Variants in LRIG2 observed in about 807,000 individuals in gnomAD.
LRIG2 encodes leucine rich repeats and immunoglobulin like domains 2.
LRIG2 carries 93 observed loss-of-function variants against 107.8 expected under a neutral mutation model. The observed-to-expected ratio is 0.86, with a 90% CI of 0.73 to 1.03. LRIG2 has a LOEUF of 1.03. LRIG2 is among the 50% of genes least tolerant of loss of function. LRIG2 has a pLI of 0.00. For synonymous variants in LRIG2, 471 were observed against 470.6 expected (o/e 1.00, Z -0.01); for missense variants, 1,226 against 1,296.0 (o/e 0.95, Z 0.83).
At chr1:113,118,731 C>T (rs1045685503) in intron 16 of LRIG2, among the ~76,000 whole-genome samples, 9 of 151,442 alleles carry the variant, frequency 5.9e-5, no homozygotes, top group African/African-American at 2.2e-4. Flanking sequence ...GTGGCGTGAT[C>T]TCGGCTCACT....
intron 1 of LRIG2, among the ~76,000 whole-genome samples, chr1:113,090,349 A>C (rs1653746486): frequency 6.6e-6 from 1 of 152,030 alleles, no homozygotes; most frequent in Non-Finnish European, 1.5e-5. Context: ...AAAGTGGGAG[A>C]CTTTTTACAC....
At chr1:113,104,476 G>GTCTCTTCAGCCTCTAGAT (rs1399197368) in intron 11 of LRIG2, among the ~76,000 whole-genome samples, 8 of 152,040 alleles carry the variant, frequency 5.3e-5, no homozygotes, top group African/African-American at 1.9e-4. Flanking sequence ...GCCCCTAGAT[G>GTCTCTTCAGCCTCTAGAT]TCTCTTCAGC....
chr1:113,079,697 G>GA (rs1472191200), intron 1 of LRIG2, among the ~76,000 whole-genome samples: 1 of 139,706 alleles, frequency 7.2e-6, no homozygotes, highest in Non-Finnish European at 1.6e-5. Context: ...AAAAAGAAAA[G>GA]AAAAAAGAAA....
At position 113,114,620 on chromosome 1, in the gene LRIG2, A is replaced by G. The variant is rs1332060690; in HGVS notation, c.2274A>G (p.Leu758=). The G allele has an allele frequency of 1.2e-6, 2 of 1,614,034 alleles. No homozygotes were observed. Among genetic ancestry groups the G allele is most frequent in the African/African-American group, 2.7e-5 (2 of 74,914 alleles). Residue 758 remains leucine (L), a synonymous_variant, in exon 15 of 18, where the codon CTA becomes CTG. Coordinates refer to ENST00000361127, the MANE Select transcript of LRIG2 (RefSeq NM_014813.3). ...TTCTCATCATTGTAGATGCCGGGCT[A>G]GAAGATGCTGGGAAATATACCTGCA... ...NQLLIIVDAG[L]EDAGKYTCIM... is the part of the protein sequence containing the mutation.
Position 113,083,826 on chromosome 1 carries a change from G to A in LRIG2, c.240-7492G>A, listed in dbSNP as rs574525562. On this transcript the variant is annotated intron_variant, in intron 1 of 17. Transcript: ENST00000361127. Reference sequence around the variant, plus strand: ...GTTGAGAACACTTGGACACAGGGTGGGGAACATCACATGCCAGGGCCTGTT... The same window carrying A: ...GTTGAGAACACTTGGACACAGGGTGAGGAACATCACATGCCAGGGCCTGTT... 7.9e-5 allele frequency among the ~76,000 whole-genome samples: 10 copies of A among 126,920 alleles called. No individual in the cohort carries two copies. In the South Asian group the frequency reaches 2.6e-3, roughly 32 times the overall value. 83.3% of individuals were successfully genotyped at this position (126,920 alleles called of 152,430 possible).
rs1432377568 is a variant in LRIG2, at chr1:113,126,673, CA to C, written c.*2576del. ...CTTCCTGTCATATTTTCAGTTTGCC[CA>C]AAAGAGGTAAGCCACTTTATTACAG... On this transcript the variant is annotated 3_prime_UTR_variant, in exon 18 of 18. Transcript: ENST00000361127. 1 of 152,800 alleles carries C rather than the reference CA, an allele frequency of 6.5e-6. No individual in the cohort carries two copies. Among genetic ancestry groups the C allele is most frequent in the Non-Finnish European group, 1.5e-5 (1 of 68,058 alleles). 9.5% of individuals were successfully genotyped at this position (152,800 alleles called of 1,614,324 possible).
chr1:113,118,667 T>A (rs1420014041), intron 16 of LRIG2, among the ~76,000 whole-genome samples: 2 of 151,908 alleles, frequency 1.3e-5, no homozygotes, highest in Non-Finnish European at 2.9e-5. Flanking sequence ...AGTATGACTT[T>A]GTTTTTTTTT....
chr1:113,096,231 CTA>C lies in LRIG2; in HGVS notation c.960_961del (p.Tyr320Ter). The C allele has an allele frequency of 2.5e-6, 4 of 1,613,468 alleles. No homozygotes were observed. The highest frequency in any genetic ancestry group is 3.4e-6 in the Non-Finnish European group (4 of 1,179,892). On this transcript the variant is annotated frameshift_variant, in exon 8 of 18. Coordinates refer to ENST00000361127, the MANE Select transcript of LRIG2 (RefSeq NM_014813.3). LOFTEE classifies it high-confidence loss of function. ...CQRLSELDLS[Y>X]NQLTRLDESA... ...CATTTCTTGTTTTCAGTGATTTGTC[CTA>C]TAACCAGCTGACCCGCCTGGATGAA... is the stretch of plus-strand genomic sequence containing the variant.
chr1:113,123,727 TTGTGTGTG>T lies in LRIG2; in HGVS notation c.2972-121_2972-114del, dbSNP rs66524955. The T allele has an allele frequency of 7.9e-3, 4,706 of 597,126 alleles. 11 individuals are homozygous for T. The highest frequency in any genetic ancestry group is 9.1e-3 in the Non-Finnish European group (3,091 of 340,544). The allele number at this position is 597,126 out of a possible 1,614,324, so 37.0% of individuals were successfully genotyped here. On this transcript the variant is annotated intron_variant, in intron 17 of 17. Transcript: ENST00000361127. Reference sequence around the variant, plus strand: ...AAAGACCATGTTCTGGTGGTGGTTTTTGTGTGTGTGTGTGTGTGTGTGTGTGTGTGTGT... The same window carrying T: ...AAAGACCATGTTCTGGTGGTGGTTTTTGTGTGTGTGTGTGTGTGTGTGTGT...
chr1:113,096,148 A>G, intron 7 of LRIG2, 74 bp from the exon 8 acceptor site: 4 of 1,583,072 alleles, frequency 2.5e-6, no homozygotes, highest in East Asian at 2.2e-5. Flanking sequence ...TAAATTTACC[A>G]TGTAGATATA....
intron 11 of LRIG2, among the ~76,000 whole-genome samples, chr1:113,105,104 C>T (rs1261150148): frequency 6.6e-6 from 1 of 152,074 alleles, no homozygotes; most frequent in African/African-American, 2.4e-5. Flanking sequence ...TGAGATCTCA[C>T]CACTGCACTC....
rs529947570 is a variant in LRIG2, at chr1:113,083,924, G to T, written c.240-7394G>T. 4.0e-5 allele frequency among the ~76,000 whole-genome samples: 6 copies of T among 150,348 alleles called. No individual in the cohort carries two copies. The South Asian group carries it at 1.3e-3, about 32-fold the overall frequency. ...TGTAAATGATGAGTTAATGGATGCAGCACACCAATGTGGCACATCTATACA... is the reference window on the plus strand; with the variant it reads ...TGTAAATGATGAGTTAATGGATGCATCACACCAATGTGGCACATCTATACA... On this transcript the variant is annotated intron_variant, in intron 1 of 17. Transcript: ENST00000361127.
chr1:113,097,975 T>C (rs768668854), intron 8 of LRIG2, among the ~76,000 whole-genome samples: 3 of 152,248 alleles, frequency 2.0e-5, no homozygotes, highest in Non-Finnish European at 2.9e-5. Flanking sequence ...CAACTCTACA[T>C]GTCCCTTATA....
intron 12 of LRIG2, among the ~76,000 whole-genome samples, chr1:113,109,352 C>CT (rs1654673326): frequency 6.6e-6 from 1 of 152,200 alleles, no homozygotes. Context: ...CTAAGCCAAT[C>CT]TTCAGCTGGA....
At chr1:113,089,636 T>A (rs1010339877) in intron 1 of LRIG2, among the ~76,000 whole-genome samples, 9 of 145,872 alleles carry the variant, frequency 6.2e-5, no homozygotes, top group Non-Finnish European at 1.1e-4. Context: ...ATTAACATAA[T>A]TTGGGGTGAG....
At chr1:113,116,872 C>T (rs534544846) in intron 16 of LRIG2, among the ~76,000 whole-genome samples, 4 of 152,228 alleles carry the variant, frequency 2.6e-5, no homozygotes, top group East Asian at 1.9e-4. Flanking sequence ...CATCTACCCA[C>T]GAGGCTGAAG....
chr1:113,104,534 T>G (rs1654449626), intron 11 of LRIG2, among the ~76,000 whole-genome samples: 1 of 152,118 alleles, frequency 6.6e-6, no homozygotes, highest in Middle Eastern at 3.4e-3. Flanking sequence ...TTTTTTTTTT[T>G]TGAGATGGAG....
intron 12 of LRIG2, among the ~76,000 whole-genome samples, chr1:113,109,610 C>T (rs867072881): frequency 6.6e-6 from 1 of 152,142 alleles, no homozygotes; most frequent in South Asian, 2.1e-4. Flanking sequence ...CCTCTACCCC[C>T]CGGGTTCAAG....
At chr1:113,087,869 G>C (rs1034192991) in intron 1 of LRIG2, among the ~76,000 whole-genome samples, 5 of 152,180 alleles carry the variant, frequency 3.3e-5, no homozygotes, top group African/African-American at 7.2e-5. Context: ...CAGTTTTGGA[G>C]TGACTGCACC....
Sources: allele counts gnomAD v4.1 joint callset (sites outside exome capture counted in the v4.1 genomes callset), GRCh38; gene constraint gnomAD v4.1.1; transcripts MANE v1.5; gene names NCBI Gene and HGNC (gene_info 2026-07-23, HGNC 2026-07-21).